Variants in UBE3A observed in about 807,000 individuals in gnomAD.
UBE3A encodes ubiquitin-protein ligase E3A.
UBE3A carries 6 observed loss-of-function variants against 83.4 expected under a neutral mutation model. The ratio of observed to expected loss-of-function variants is 0.07; its 90% confidence interval spans 0.04 to 0.14. The LOEUF (loss-of-function observed/expected upper bound fraction) is 0.14, where lower values mean the gene tolerates loss of function less well. Ranked by LOEUF, UBE3A falls within the 10% of genes least tolerant of loss-of-function variation. The pLI is 1.00. For synonymous variants in UBE3A, 337 were observed against 355.4 expected (o/e 0.95, Z 0.58); for missense variants, 456 against 1,036.1 (o/e 0.44, Z 7.69).
intron 2 of UBE3A, among the ~76,000 whole-genome samples, chr15:25,409,817 T>C (rs973441272): frequency 2.6e-5 from 4 of 152,156 alleles, no homozygotes; most frequent in Admixed American, 1.3e-4. Context: ...CTTAATGGAA[T>C]AGTTATATAC....
chr15:25,415,495 G>T (rs1260000712), intron 1 of UBE3A, among the ~76,000 whole-genome samples: 1 of 151,978 alleles, frequency 6.6e-6, no homozygotes, highest in African/African-American at 2.4e-5. Flanking sequence ...TGCTTCTGAG[G>T]AGACTTCACT....
chr15:25,367,350 G>C (rs2079490240), intron 6 of UBE3A, among the ~76,000 whole-genome samples: 1 of 149,952 alleles, frequency 6.7e-6, no homozygotes, highest in Non-Finnish European at 1.5e-5. Context: ...TTGTAAATAT[G>C]GTTTTACATA....
chr15:25,416,400 A>C (rs934034761), intron 1 of UBE3A, among the ~76,000 whole-genome samples: 28 of 152,224 alleles, frequency 1.8e-4, no homozygotes, highest in African/African-American at 6.8e-4. Context: ...ATACATTAAA[A>C]GAAGTCAGAC....
At chr15:25,405,541 C>T (rs770913416) in intron 3 of UBE3A, 39 bp from the exon 4 acceptor site, 1 of 1,604,526 alleles carries the variant, frequency 6.2e-7, no homozygotes, top group South Asian at 1.1e-5. Flanking sequence ...CAAAATATTC[C>T]ATATTCCAAA....
intron 1 of UBE3A, among the ~76,000 whole-genome samples, chr15:25,435,228 T>A: frequency 1.8e-5 from 1 of 55,170 alleles, no homozygotes; most frequent in African/African-American, 6.2e-5. Context: ...TGTGATAGGG[T>A]TTTACACACA....
intron 6 of UBE3A, among the ~76,000 whole-genome samples, chr15:25,366,371 C>CAATGCTGGAAGCTGGGAGCTGAA (rs1566936991): frequency 2.0e-5 from 3 of 151,984 alleles, no homozygotes; most frequent in Admixed American, 1.3e-4. Context: ...GAGTGTTCAC[C>CAATGCTGGAAGCTGGGAGCTGAA]AATGCTGGAA....
intron 4 of UBE3A, among the ~76,000 whole-genome samples, chr15:25,389,841 C>T (rs1171778798): frequency 2.6e-5 from 4 of 152,152 alleles, no homozygotes; most frequent in African/African-American, 9.7e-5. Context: ...GGAGCCAAGA[C>T]TGTGCCACTG....
At chr15:25,350,457 G>A (rs2076339882) in intron 11 of UBE3A, among the ~76,000 whole-genome samples, 1 of 151,810 alleles carries the variant, frequency 6.6e-6, no homozygotes, top group African/African-American at 2.4e-5. Context: ...CCAAAAAAAA[G>A]CAAAACTAAG....
intron 4 of UBE3A, among the ~76,000 whole-genome samples, chr15:25,402,637 C>G (rs892001431): frequency 6.6e-6 from 1 of 152,118 alleles, no homozygotes; most frequent in East Asian, 1.9e-4. Context: ...TTTACTGGGG[C>G]GAGCTCAATG....
At chr15:25,406,313 T>C (rs1269889229) in intron 3 of UBE3A, among the ~76,000 whole-genome samples, 1 of 152,202 alleles carries the variant, frequency 6.6e-6, no homozygotes, top group African/African-American at 2.4e-5. Context: ...GAGGTGAAGT[T>C]TTGCACTGGA....
intron 4 of UBE3A, chr15:25,393,904 T>C (rs7496494): frequency 0.97 from 147,822 of 152,296 alleles, 71,890 homozygotes; most frequent in East Asian, 1. Context: ...TGGCTTTCTA[T>C]ATCCAAATGC....
At chr15:25,358,154 T>C (rs1246531211) in intron 7 of UBE3A, among the ~76,000 whole-genome samples, 1 of 151,960 alleles carries the variant, frequency 6.6e-6, no homozygotes, top group Non-Finnish European at 1.5e-5. Flanking sequence ...GGCAGATCAC[T>C]TGAGCTCAGG....
Position 25,361,651 on chromosome 15 carries a change from A to G in UBE3A, c.1609-1124T>C, listed in dbSNP as rs571069821. ...CTAACAGTATGACTGTATCCAGTAC[A>G]TGGATGGATACTGTATCTAGTACAT... On this transcript the variant is annotated intron_variant, in intron 6 of 12. Transcript: ENST00000648336. Among the ~76,000 whole-genome samples, 55 of 152,236 alleles carry G rather than the reference A, an allele frequency of 3.6e-4. 1 individual carries two copies. The highest frequency in any genetic ancestry group is 6.9e-4 in the Non-Finnish European group (47 of 68,020).
At chr15:25,398,968 A>G (rs1289930351) in intron 4 of UBE3A, among the ~76,000 whole-genome samples, 1 of 151,134 alleles carries the variant, frequency 6.6e-6, no homozygotes, top group Admixed American at 6.6e-5. Context: ...TCCTCATCAT[A>G]CTTTAATAGC....
intron 1 of UBE3A, among the ~76,000 whole-genome samples, chr15:25,430,580 T>C (rs1249694454): frequency 1.3e-5 from 2 of 151,790 alleles, no homozygotes; most frequent in African/African-American, 4.8e-5. Flanking sequence ...CCCCTAGTTC[T>C]GCCTATCACT....
At chr15:25,431,611 G>A (rs934272435) in intron 1 of UBE3A, among the ~76,000 whole-genome samples, 1 of 152,102 alleles carries the variant, frequency 6.6e-6, no homozygotes, top group African/African-American at 2.4e-5. Flanking sequence ...CCAAAGTGCT[G>A]GGATTACAGG....
At chr15:25,347,926 T>TAACA (rs1180719655) in intron 11 of UBE3A, among the ~76,000 whole-genome samples, 2 of 152,072 alleles carry the variant, frequency 1.3e-5, no homozygotes, top group African/African-American at 4.8e-5. Flanking sequence ...AGGCAGAGAC[T>TAACA]AACAGTTTTT....
chr15:25,393,042 C>T (rs1039478169), intron 4 of UBE3A, among the ~76,000 whole-genome samples: 4 of 150,868 alleles, frequency 2.7e-5, no homozygotes, highest in Non-Finnish European at 5.9e-5. Flanking sequence ...CACAAGGAGT[C>T]ACTGAAGGGT....
At chr15:25,422,073 A>C (rs1408238379) in intron 1 of UBE3A, 1 of 152,250 alleles carries the variant, frequency 6.6e-6, no homozygotes. Context: ...AAATGAATGA[A>C]CTGTGGTATA....
Sources: gnomAD v4.1 joint callset for allele counts (sites outside exome capture counted in the v4.1 genomes callset) on GRCh38, gnomAD v4.1.1 for gene constraint, MANE v1.5 for transcripts, NCBI Gene and HGNC (gene_info 2026-07-23, HGNC 2026-07-21) for gene names.